Variants in FIBCD1 observed in about 807,000 individuals in gnomAD.
FIBCD1 encodes the protein fibrinogen C domain containing 1.
Under a neutral mutation model 45.1 loss-of-function variants are expected in FIBCD1, and 47 were observed. That is an observed-to-expected ratio of 1.04 (90% CI 0.82 to 1.33). FIBCD1 has a LOEUF of 1.33. FIBCD1 is among the 40% of genes most tolerant of loss of function. The probability of loss-of-function intolerance (pLI) is 0.00; values close to 1 mark genes in which losing one functional copy is unlikely to be tolerated. For missense variants in FIBCD1, 653 were observed against 682.2 expected (o/e 0.96, Z 0.48); for synonymous variants, 313 against 308.1 (o/e 1.02, Z -0.17).
intron 5 of FIBCD1, among the ~76,000 whole-genome samples, chr9:130,906,016 G>A (rs1017432759): frequency 1.3e-5 from 2 of 152,134 alleles, no homozygotes; most frequent in African/African-American, 2.4e-5. Context: ...TGGCATGTCC[G>A]ACCTAGCCAC....
At chr9:130,930,997 C>T (rs1373451335) in intron 1 of FIBCD1, among the ~76,000 whole-genome samples, 3 of 152,150 alleles carry the variant, frequency 2.0e-5, no homozygotes, top group Admixed American at 2.0e-4. Flanking sequence ...TCTCCAGTCC[C>T]CAGGGCACAT....
chr9:130,939,271 C>T (rs1324715574), upstream of FIBCD1: 1 of 152,178 alleles, frequency 6.6e-6, no homozygotes, highest in Non-Finnish European at 1.5e-5. Context: ...GGTTCGGCGT[C>T]TCCGGGGAGT....
At position 130,929,452 on chromosome 9, in the gene FIBCD1, G is replaced by T. The variant is rs1241163921; in HGVS notation, c.552+115C>A. The T allele has an allele frequency of 2.2e-6, 3 of 1,351,736 alleles. No homozygotes were observed. The African/African-American group carries it at 4.5e-5, about 20-fold the overall frequency. The allele number at this position is 1,351,736 out of a possible 1,614,324, so 83.7% of individuals were successfully genotyped here. On this transcript the variant is annotated intron_variant, in intron 2 of 6. Coordinates refer to ENST00000372338, the MANE Select transcript of FIBCD1 (RefSeq NM_032843.5). ...TAGATGGGAACAGCAGTAGCCCCTTGTCTGGGGCCTTGGGGATTAAGTGAG... is the reference window on the plus strand; with the variant it reads ...TAGATGGGAACAGCAGTAGCCCCTTTTCTGGGGCCTTGGGGATTAAGTGAG...
At chr9:130,914,864 C>T (rs1187628275) in intron 4 of FIBCD1, among the ~76,000 whole-genome samples, 1 of 152,194 alleles carries the variant, frequency 6.6e-6, no homozygotes, top group African/African-American at 2.4e-5. Flanking sequence ...GATGGGCAGT[C>T]GAGACTCAGC....
rs964020239 is a variant in FIBCD1 at position 130,938,698 on chromosome 9, C to T, written c.-91G>A. On this transcript the variant is annotated 5_prime_UTR_variant, in exon 1 of 7. Coordinates refer to ENST00000372338, the MANE Select transcript of FIBCD1 (RefSeq NM_032843.5). ...TGGGCGCGGGCGCGGGCGCGGGGCG[C>T]GCTCTGTCCGCCGGGTCCCCGCCTC... 168 of 817,496 alleles carry T rather than the reference C, an allele frequency of 2.1e-4. No homozygotes were observed. The highest frequency in any genetic ancestry group is 5.6e-4 in the Admixed American group (11 of 19,690). 50.6% of individuals were successfully genotyped at this position (817,496 alleles called of 1,614,324 possible).
chr9:130,912,770 T>C (rs1469394748), intron 4 of FIBCD1, among the ~76,000 whole-genome samples: 1 of 151,864 alleles, frequency 6.6e-6, no homozygotes, highest in Non-Finnish European at 1.5e-5. Flanking sequence ...TCCAGCACTT[T>C]GCTCTGGGCT....
chr9:130,912,939 C>T (rs1361107216), intron 4 of FIBCD1, among the ~76,000 whole-genome samples: 2 of 152,126 alleles, frequency 1.3e-5, no homozygotes, highest in African/African-American at 2.4e-5. Context: ...CAATAAGCTC[C>T]CCTTCCCCAA....
chr9:130,914,886 G>A (rs969128737), intron 4 of FIBCD1, among the ~76,000 whole-genome samples: 2 of 152,208 alleles, frequency 1.3e-5, no homozygotes, highest in African/African-American at 2.4e-5. Flanking sequence ...CGGGGGCTGC[G>A]TGCTCTCTGC....
intron 1 of FIBCD1, among the ~76,000 whole-genome samples, chr9:130,931,378 C>T (rs1016262931): frequency 4.6e-5 from 7 of 152,112 alleles, no homozygotes; most frequent in Non-Finnish European, 1.0e-4. Context: ...CATGGTGGCA[C>T]ATGCCTGTAA....
At chr9:130,936,954 G>T (rs1231026346) in intron 1 of FIBCD1, among the ~76,000 whole-genome samples, 1 of 140,796 alleles carries the variant, frequency 7.1e-6, no homozygotes, top group Non-Finnish European at 1.5e-5. Context: ...GTATATGTAG[G>T]GTGTCCCTGA....
intron 4 of FIBCD1, among the ~76,000 whole-genome samples, chr9:130,919,044 G>A (rs1832213903): frequency 6.6e-6 from 1 of 152,160 alleles, no homozygotes; most frequent in South Asian, 2.1e-4. Context: ...GCGCCCTGCC[G>A]TCATTCCCAG....
At position 130,938,394 on chromosome 9, in the gene FIBCD1, T is replaced by A. The variant is rs1489126190; in HGVS notation, c.72+142A>T. The A allele has an allele frequency of 6.4e-6, 4 of 624,366 alleles. No homozygotes were observed. The East Asian group carries it at 1.5e-4, about 23-fold the overall frequency. The allele number at this position is 624,366 out of a possible 1,614,324, so 38.7% of individuals were successfully genotyped here. On this transcript the variant is annotated intron_variant, in intron 1 of 6. Coordinates refer to ENST00000372338, the MANE Select transcript of FIBCD1 (RefSeq NM_032843.5). Reference sequence around the variant, plus strand: ...CGGCTCGGGGAGGAGGAGAGGAGGGTCCCCATCCCGGCCCGGGCCTCCGGA... The same window carrying A: ...CGGCTCGGGGAGGAGGAGAGGAGGGACCCCATCCCGGCCCGGGCCTCCGGA...
intron 4 of FIBCD1, among the ~76,000 whole-genome samples, chr9:130,912,531 AC>A (rs1305146028): frequency 4.0e-5 from 6 of 151,160 alleles, no homozygotes; most frequent in African/African-American, 1.5e-4. Context: ...ACGTGGGGAA[AC>A]CCCGTCTCTA....
intron 1 of FIBCD1, 114 bp from the exon 2 acceptor site, chr9:130,930,160 G>A: frequency 7.5e-7 from 1 of 1,326,418 alleles, no homozygotes; most frequent in Non-Finnish European, 1.0e-6. Context: ...GCTGGGCAAG[G>A]GCGTGGCACA....
At chr9:130,908,742 A>T (rs575431367) in intron 5 of FIBCD1, among the ~76,000 whole-genome samples, 1 of 152,190 alleles carries the variant, frequency 6.6e-6, no homozygotes, top group African/African-American at 2.4e-5. Flanking sequence ...GTTGGGGGTC[A>T]GCACGGGGTG....
chr9:130,913,145 T>C (rs1469015137), intron 4 of FIBCD1, among the ~76,000 whole-genome samples: 1 of 152,146 alleles, frequency 6.6e-6, no homozygotes, highest in African/African-American at 2.4e-5. Context: ...TTGAAATGAG[T>C]ACCACGCTGG....
chr9:130,912,928 T>C (rs935479550), intron 4 of FIBCD1, among the ~76,000 whole-genome samples: 3 of 151,946 alleles, frequency 2.0e-5, no homozygotes, highest in African/African-American at 7.3e-5. Context: ...GCCCTGTCCC[T>C]CAATAAGCTC....
intron 4 of FIBCD1, among the ~76,000 whole-genome samples, chr9:130,912,390 CTCAA>C (rs1454387509): frequency 2.4e-5 from 2 of 83,808 alleles, no homozygotes; most frequent in Non-Finnish European, 4.3e-5. Flanking sequence ...TGGGCTCTCT[CTCAA>C]AAAAAAAAAA....
At chr9:130,927,456 C>T (rs1343040550) in intron 2 of FIBCD1, among the ~76,000 whole-genome samples, 1 of 152,212 alleles carries the variant, frequency 6.6e-6, no homozygotes, top group African/African-American at 2.4e-5. Context: ...GCACATCTCA[C>T]GGGTGACAAG....
Sources: allele counts gnomAD v4.1 joint callset (sites outside exome capture counted in the v4.1 genomes callset), GRCh38; gene constraint gnomAD v4.1.1; transcripts MANE v1.5; gene names NCBI Gene and HGNC (gene_info 2026-07-23, HGNC 2026-07-21).